The following PRKCE variants were observed in gnomAD, a reference collection of about 807,000 sequenced individuals.
The protein encoded by PRKCE is protein kinase C epsilon.
In PRKCE, 16 loss-of-function variants were observed where a neutral mutation model predicts 85.4. The observed-to-expected ratio is 0.19, with a 90% CI of 0.13 to 0.28. PRKCE has a LOEUF of 0.28. Among genes scored for constraint, PRKCE ranks in the 10% least tolerant of loss-of-function variants. The probability of loss-of-function intolerance (pLI) is 1.00; values close to 1 mark genes in which losing one functional copy is unlikely to be tolerated. For missense variants in PRKCE, 573 were observed against 975.2 expected (o/e 0.59, Z 5.49); for synonymous variants, 388 against 371.5 (o/e 1.04, Z -0.51).
rs527931138 is a variant in PRKCE, at chr2:45,710,183, C to T, written c.348+57735C>T. On this transcript the variant is annotated intron_variant, in intron 1 of 14. Transcript: ENST00000306156. ...CTTTTCTGTGTATTAACTCACTTAACCCCTGTAACAACCTGATGATGTAGG... is the reference window on the plus strand; with the variant it reads ...CTTTTCTGTGTATTAACTCACTTAATCCCTGTAACAACCTGATGATGTAGG... Among the ~76,000 whole-genome samples the T allele has an allele frequency of 6.6e-5, 10 of 152,340 alleles. No individual in the cohort carries two copies. In the South Asian group the frequency reaches 2.1e-3, roughly 32 times the overall value.
intron 1 of PRKCE, among the ~76,000 whole-genome samples, chr2:45,827,057 TCTCA>T (rs1689998551): frequency 6.6e-6 from 1 of 152,210 alleles, no homozygotes; most frequent in African/African-American, 2.4e-5. Flanking sequence ...TGGCTTCCCA[TCTCA>T]CTCACGGCCA....
intron 1 of PRKCE, among the ~76,000 whole-genome samples, chr2:45,744,903 C>T (rs1039661076): frequency 6.6e-6 from 1 of 152,198 alleles, no homozygotes; most frequent in Non-Finnish European, 1.5e-5. Flanking sequence ...GCCACCGCAC[C>T]CAGCCATTTG....
intron 2 of PRKCE, among the ~76,000 whole-genome samples, chr2:45,897,832 C>G (rs1467581006): frequency 6.6e-6 from 1 of 152,186 alleles, no homozygotes; most frequent in African/African-American, 2.4e-5. Flanking sequence ...AACTCCATCA[C>G]AAGAAATTAA....
intron 2 of PRKCE, among the ~76,000 whole-genome samples, chr2:45,929,349 G>C (rs1247690161): frequency 2.6e-5 from 4 of 152,186 alleles, no homozygotes; most frequent in African/African-American, 4.8e-5. Context: ...CGTTCCTCCC[G>C]GCGGAAGATG....
At chr2:45,889,414 C>T (rs761292565) in intron 2 of PRKCE, among the ~76,000 whole-genome samples, 3 of 152,200 alleles carry the variant, frequency 2.0e-5, no homozygotes, top group South Asian at 4.1e-4. Context: ...ACACCTTCAA[C>T]GATGAACTTG....
chr2:45,661,892 G>C (rs10175021), intron 1 of PRKCE, among the ~76,000 whole-genome samples: 2 of 151,738 alleles, frequency 1.3e-5, no homozygotes, highest in Non-Finnish European at 2.9e-5. Flanking sequence ...TTATTGAGGA[G>C]AAAAATAGTC....
intron 1 of PRKCE, among the ~76,000 whole-genome samples, chr2:45,712,826 C>T (rs1679778411): frequency 6.6e-6 from 1 of 152,156 alleles, no homozygotes; most frequent in African/African-American, 2.4e-5. Flanking sequence ...ATGTTCAACT[C>T]CTCCAGCACA....
chr2:45,766,172 G>A (rs1483327178), intron 1 of PRKCE, among the ~76,000 whole-genome samples: 3 of 151,962 alleles, frequency 2.0e-5, no homozygotes, highest in South Asian at 2.1e-4. Context: ...GCATGGAAGC[G>A]TGCAGGTCCG....
intron 11 of PRKCE, among the ~76,000 whole-genome samples, chr2:46,099,246 G>C (rs950188700): frequency 2.6e-5 from 4 of 152,044 alleles, no homozygotes; most frequent in Non-Finnish European, 5.9e-5. Flanking sequence ...CCTCTCTGGG[G>C]TTTATATACT....
intron 14 of PRKCE, among the ~76,000 whole-genome samples, chr2:46,176,504 G>T (rs1034174440): frequency 2.0e-5 from 3 of 152,242 alleles, no homozygotes; most frequent in African/African-American, 4.8e-5. Context: ...AGGACACTTT[G>T]AAATTGATAT....
intron 1 of PRKCE, among the ~76,000 whole-genome samples, chr2:45,809,080 G>C (rs1291240384): frequency 6.6e-6 from 1 of 152,116 alleles, no homozygotes; most frequent in Admixed American, 6.5e-5. Flanking sequence ...CTCACTGAAG[G>C]GAAGGGCCTT....
Position 46,054,535 on chromosome 2 carries a change from C to G in PRKCE, c.1438-31673C>G, listed in dbSNP as rs139373969. Among the ~76,000 whole-genome samples, 142 of 152,312 alleles carry G rather than the reference C, an allele frequency of 9.3e-4. 1 individual carries two copies. Among genetic ancestry groups the G allele is most frequent in the East Asian group, 2.9e-3 (15 of 5,186 alleles). ...GAATTACAGGAGAACAAAAAATCTT[C>G]CATTCTTAGGACAACTCATGTCCAA... is the stretch of plus-strand genomic sequence containing the variant. On this transcript the variant is annotated intron_variant, in intron 10 of 14. Coordinates refer to ENST00000306156, the MANE Select transcript of PRKCE (RefSeq NM_005400.3).
intron 1 of PRKCE, among the ~76,000 whole-genome samples, chr2:45,683,359 G>A (rs1298763286): frequency 1.3e-5 from 2 of 152,212 alleles, no homozygotes; most frequent in Non-Finnish European, 2.9e-5. Context: ...ATTAGGAAAT[G>A]TGAGACATCT....
chr2:45,664,936 G>A (rs1313637018), intron 1 of PRKCE, among the ~76,000 whole-genome samples: 1 of 152,198 alleles, frequency 6.6e-6, no homozygotes, highest in Non-Finnish European at 1.5e-5. Context: ...CTAATGCAGT[G>A]CACACTGATT....
intron 2 of PRKCE, among the ~76,000 whole-genome samples, chr2:45,914,850 C>T (rs903371312): frequency 2.5e-4 from 38 of 152,324 alleles, no homozygotes; most frequent in African/African-American, 8.9e-4. Flanking sequence ...TAATAGGGAA[C>T]TCTTTCTTGG....
intron 10 of PRKCE, among the ~76,000 whole-genome samples, chr2:46,061,438 C>T (rs1574365142): frequency 2.7e-5 from 1 of 37,052 alleles, no homozygotes; most frequent in Non-Finnish European, 4.9e-5. Context: ...CTTTTTTTTC[C>T]CCCCTATAAT....
At position 45,895,542 on chromosome 2, in the gene PRKCE, A is replaced by G. The variant is rs1231667517; in HGVS notation, c.412+52479A>G. The stretch of plus-strand genomic sequence containing the variant: ...CTGTTAGGACACCAGGAAGTGCTCA[A>G]TTAATTCTTCTTCAATTTGGTTAGA... On this transcript the variant is annotated intron_variant, in intron 2 of 14. Coordinates refer to ENST00000306156, the MANE Select transcript of PRKCE (RefSeq NM_005400.3). The surrounding 1 kb of genome is among the most constrained non-coding windows in gnomAD (Gnocchi z 4.8). Among the ~76,000 whole-genome samples the G allele has an allele frequency of 6.6e-6, 1 of 152,152 alleles. No homozygotes were observed. The highest frequency in any genetic ancestry group is 6.5e-5 in the Admixed American group (1 of 15,284).
intron 1 of PRKCE, among the ~76,000 whole-genome samples, chr2:45,784,606 G>A (rs184379932): frequency 6.6e-6 from 1 of 152,138 alleles, no homozygotes; most frequent in Non-Finnish European, 1.5e-5. Context: ...TTTAGATAAA[G>A]TAAGAACAGG....
chr2:45,934,420 G>A (rs954446064), intron 2 of PRKCE, among the ~76,000 whole-genome samples: 10 of 151,936 alleles, frequency 6.6e-5, no homozygotes, highest in African/African-American at 1.9e-4. Flanking sequence ...AGGCTGAGGC[G>A]AGCAGGTCAC....
Sources: gnomAD v4.1 joint callset for allele counts (sites outside exome capture counted in the v4.1 genomes callset) on GRCh38, gnomAD v4.1.1 for gene constraint, Gnocchi (gnomAD v3.1) non-coding constraint, MANE v1.5 for transcripts, NCBI Gene and HGNC (gene_info 2026-07-23, HGNC 2026-07-21) for gene names.